Variants in CACHD1 observed in about 807,000 individuals in gnomAD.
The protein encoded by CACHD1 is VWFA and cache domain-containing protein 1.
Under a neutral mutation model 138.7 loss-of-function variants are expected in CACHD1, and 71 were observed. The ratio of observed to expected loss-of-function variants is 0.51; its 90% CI spans 0.42 to 0.62. CACHD1 has a LOEUF of 0.62. Among genes scored for constraint, CACHD1 ranks in the 20% least tolerant of loss-of-function variants. The pLI is 0.00. For synonymous variants in CACHD1, 578 were observed against 591.5 expected, an observed-to-expected ratio of 0.98 and a Z score of 0.33; for missense variants, 1,389 against 1,625.3, an observed-to-expected ratio of 0.85 and a Z score of 2.50.
chr1:64,525,435 T>G (rs1000474353), intron 1 of CACHD1, among the ~76,000 whole-genome samples: 3 of 152,204 alleles, frequency 2.0e-5, no homozygotes, highest in Non-Finnish European at 4.4e-5. Context: ...CAGTTCATAT[T>G]AGATGCTCTG....
chr1:64,595,877 A>G (rs1647146955), intron 3 of CACHD1, among the ~76,000 whole-genome samples: 1 of 152,170 alleles, frequency 6.6e-6, no homozygotes. Flanking sequence ...ATTGCTCTGA[A>G]AGCCTTACCT....
chr1:64,582,576 G>A (rs930881240), intron 3 of CACHD1, among the ~76,000 whole-genome samples: 1 of 152,110 alleles, frequency 6.6e-6, no homozygotes, highest in African/African-American at 2.4e-5. Context: ...TTTGAGTACA[G>A]AATCTAAATC....
chr1:64,558,476 T>C (rs1646814995), intron 2 of CACHD1, among the ~76,000 whole-genome samples: 1 of 152,176 alleles, frequency 6.6e-6, no homozygotes, highest in Non-Finnish European at 1.5e-5. Context: ...TTTCCTTTTT[T>C]CCCCTATCAC....
intron 1 of CACHD1, among the ~76,000 whole-genome samples, chr1:64,480,886 C>CTTTTTTTTTTTTTTTTTTTTTTTT (rs530847374): frequency 9.2e-5 from 13 of 140,590 alleles, no homozygotes; most frequent in African/African-American, 3.2e-4. Context: ...CTCTCTCTCC[C>CTTTTTTTTTTTTTTTTTTTTTTTT]TTTTTTTTTT....
chr1:64,623,015 G>A (rs138487400), intron 4 of CACHD1, among the ~76,000 whole-genome samples: 1,987 of 152,220 alleles, frequency 0.013, 16 homozygotes, highest in Non-Finnish European at 0.02. Context: ...TCAAGGCAGT[G>A]GTGTTCGGAG....
chr1:64,615,591 A>G (rs981368252), intron 4 of CACHD1, among the ~76,000 whole-genome samples: 10 of 152,204 alleles, frequency 6.6e-5, no homozygotes, highest in African/African-American at 2.4e-4. Context: ...TCTTATTGAA[A>G]GAAAGAATGA....
rs139726551 is a variant in CACHD1, at chr1:64,616,894, C to T, written c.518-12461C>T. On this transcript the variant is annotated intron_variant, in intron 4 of 26. Transcript: ENST00000651257. ...AGTGGGATGGCAAGAAGTAGAGAATCGGTGTAGACCACCCTTCTTAGTTGC... is the reference window on the plus strand; with the variant it reads ...AGTGGGATGGCAAGAAGTAGAGAATTGGTGTAGACCACCCTTCTTAGTTGC... 6.0e-3 allele frequency among the ~76,000 whole-genome samples: 913 copies of T among 151,994 alleles called. 13 individuals carry two copies. The highest frequency in any genetic ancestry group is 0.021 in the African/African-American group (857 of 41,474).
At chr1:64,553,363 A>G (rs1646774137) in intron 2 of CACHD1, among the ~76,000 whole-genome samples, 1 of 152,200 alleles carries the variant, frequency 6.6e-6, no homozygotes, top group Non-Finnish European at 1.5e-5. Flanking sequence ...CCTGGACAGT[A>G]CCCAGAATGA....
At chr1:64,517,322 A>G (rs1646466085) in intron 1 of CACHD1, among the ~76,000 whole-genome samples, 2 of 152,230 alleles carry the variant, frequency 1.3e-5, no homozygotes, top group African/African-American at 4.8e-5. Context: ...ATTGCATTCC[A>G]TTGGGGAGAG....
At chr1:64,654,873 T>G (rs1458220456) in intron 12 of CACHD1, 70 bp downstream of exon 12, 1 of 1,167,722 alleles carries the variant, frequency 8.6e-7, no homozygotes, top group Non-Finnish European at 1.3e-6. Flanking sequence ...GTTGGAATTC[T>G]CAGCCAGGGG....
At chr1:64,486,399 T>C (rs968469342) in intron 1 of CACHD1, among the ~76,000 whole-genome samples, 73 of 144,042 alleles carry the variant, frequency 5.1e-4, no homozygotes, top group Middle Eastern at 7.3e-3. Context: ...CACATACACA[T>C]ACACACACAC....
chr1:64,573,055 T>C (rs143850807), intron 2 of CACHD1, among the ~76,000 whole-genome samples: 92 of 152,338 alleles, frequency 6.0e-4, no homozygotes, highest in African/African-American at 2.0e-3. Context: ...GCTATCAGTA[T>C]ACCTTTCTGA....
intron 4 of CACHD1, among the ~76,000 whole-genome samples, chr1:64,605,735 G>T (rs1647316024): frequency 6.6e-6 from 1 of 152,166 alleles, no homozygotes; most frequent in South Asian, 2.1e-4. Flanking sequence ...GGATCTGGAG[G>T]CTGTGGCAGC....
At chr1:64,565,700 GTTTC>G (rs1175244871) in intron 2 of CACHD1, among the ~76,000 whole-genome samples, 2 of 152,104 alleles carry the variant, frequency 1.3e-5, no homozygotes, top group African/African-American at 4.8e-5. Flanking sequence ...TAATATTTAT[GTTTC>G]TTTATCAGTT....
chr1:64,490,378 AG>A (rs11343425), intron 1 of CACHD1, among the ~76,000 whole-genome samples: 104,378 of 152,018 alleles, frequency 0.69, 40,093 homozygotes, highest in Non-Finnish European at 0.84. Context: ...ATGCACCTCT[AG>A]GGGGGAGAAA....
intron 2 of CACHD1, among the ~76,000 whole-genome samples, chr1:64,576,948 T>G (rs1395571552): frequency 1.3e-5 from 2 of 151,446 alleles, no homozygotes; most frequent in African/African-American, 4.8e-5. Context: ...TTTGATCATA[T>G]CCCCACCTCT....
intron 4 of CACHD1, among the ~76,000 whole-genome samples, chr1:64,624,760 T>C (rs1648038648): frequency 6.6e-6 from 1 of 152,208 alleles, no homozygotes; most frequent in Non-Finnish European, 1.5e-5. Flanking sequence ...ATAATTTTTA[T>C]TCCTAGGACT....
intron 9 of CACHD1, among the ~76,000 whole-genome samples, chr1:64,649,508 C>A (rs1217547056): frequency 6.6e-6 from 1 of 152,160 alleles, no homozygotes; most frequent in Non-Finnish European, 1.5e-5. Context: ...TTACTGAGTG[C>A]CAGCCAAGCA....
intron 21 of CACHD1, among the ~76,000 whole-genome samples, chr1:64,676,598 G>A (rs919585167): frequency 4.6e-5 from 7 of 152,052 alleles, no homozygotes; most frequent in East Asian, 1.9e-4. Context: ...TACCTCCCTC[G>A]TAGCTGGGAC....
Sources: gnomAD v4.1 joint callset for allele counts (sites outside exome capture counted in the v4.1 genomes callset) on GRCh38, gnomAD v4.1.1 for gene constraint, MANE v1.5 for transcripts, NCBI Gene and HGNC (gene_info 2026-07-23, HGNC 2026-07-21) for gene names.